Variants in PKNOX2 observed in about 807,000 individuals in gnomAD.
PKNOX2 encodes the protein PBX/knotted 1 homeobox 2, also known as homeobox protein PKNOX2.
Under a neutral mutation model 53.1 loss-of-function variants are expected in PKNOX2, and 14 were observed. The observed-to-expected ratio is 0.26, with a 90% CI of 0.17 to 0.41. PKNOX2 has a LOEUF of 0.41. PKNOX2 is among the 10% of genes least tolerant of loss of function. The probability of loss-of-function intolerance (pLI) is 1.00; values close to 1 mark genes in which losing one functional copy is unlikely to be tolerated. For missense variants in PKNOX2, 496 were observed against 602.8 expected, an observed-to-expected ratio of 0.82 and a Z score of 1.85; for synonymous variants, 257 against 242.8, an observed-to-expected ratio of 1.06 and a Z score of -0.54.
Position 125,331,847 on chromosome 11 carries a change from AT to A in PKNOX2, c.-99del. On this transcript the variant is annotated 5_prime_UTR_variant, in exon 3 of 13. It removes the in-frame stop codon of an upstream open reading frame in the 5' UTR. Coordinates refer to ENST00000298282, the MANE Select transcript of PKNOX2 (RefSeq NM_001382323.2). ...CTTTGGCTCTAGCAGACAGGAAGAA[AT>A]TCTGGCCCAGCTGGAAGTAGAAAGA... The A allele has an allele frequency of 6.6e-6, 1 of 152,374 alleles. No individual in the cohort carries two copies. The highest frequency in any genetic ancestry group is 1.5e-5 in the Non-Finnish European group (1 of 68,086). The allele number at this position is 152,374 out of a possible 1,614,324, so 9.4% of individuals were successfully genotyped here. A position where few individuals can be genotyped will look rare whatever the true frequency, so the allele number is the denominator to read the frequency against.
chr11:125,299,795 C>A (rs552423940), intron 2 of PKNOX2, among the ~76,000 whole-genome samples: 3 of 151,346 alleles, frequency 2.0e-5, no homozygotes, highest in Non-Finnish European at 2.9e-5. Context: ...ATCCCCCCAC[C>A]GGGCTGCTCT....
At chr11:125,235,731 C>T (rs987101113) in intron 2 of PKNOX2, among the ~76,000 whole-genome samples, 4 of 152,188 alleles carry the variant, frequency 2.6e-5, no homozygotes, top group South Asian at 2.1e-4. Context: ...CAGCTGGAAG[C>T]GATCTCTTCC....
At chr11:125,379,772 T>C (rs1163380873) in intron 5 of PKNOX2, among the ~76,000 whole-genome samples, 4 of 151,910 alleles carry the variant, frequency 2.6e-5, no homozygotes, top group Non-Finnish European at 5.9e-5. Flanking sequence ...ACCAGCAAAT[T>C]TGGGTGATGT....
chr11:125,177,163 C>T (rs1448919259), intron 1 of PKNOX2, among the ~76,000 whole-genome samples: 1 of 152,218 alleles, frequency 6.6e-6, no homozygotes, highest in Non-Finnish European at 1.5e-5. Flanking sequence ...TCTTCCCCTA[C>T]ATGGGAGGGA....
chr11:125,236,397 T>TGGGGGGGGGGGGGGGGGGG (rs1942701652), intron 2 of PKNOX2, among the ~76,000 whole-genome samples: 1 of 60,996 alleles, frequency 1.6e-5, no homozygotes, highest in Non-Finnish European at 3.4e-5. Flanking sequence ...GGGGGGTGGG[T>TGGGGGGGGGGGGGGGGGGG]GGAGGGGCAG....
At chr11:125,308,299 C>T (rs572692256) in intron 2 of PKNOX2, among the ~76,000 whole-genome samples, 1 of 152,182 alleles carries the variant, frequency 6.6e-6, no homozygotes, top group Non-Finnish European at 1.5e-5. Flanking sequence ...ATTGCCCAGC[C>T]AGCTGCCTCG....
At chr11:125,345,551 T>C (rs540510784) in intron 3 of PKNOX2, among the ~76,000 whole-genome samples, 3 of 152,296 alleles carry the variant, frequency 2.0e-5, no homozygotes, top group African/African-American at 7.2e-5. Flanking sequence ...TTTCTATGTG[T>C]GTGTGCTCGC....
intron 2 of PKNOX2, among the ~76,000 whole-genome samples, chr11:125,285,446 T>C (rs1946837459): frequency 6.6e-6 from 1 of 152,236 alleles, no homozygotes. Flanking sequence ...TGATCTAATA[T>C]CGGGCTATAC....
chr11:125,184,052 C>G (rs1261080505), intron 1 of PKNOX2: 2 of 152,190 alleles, frequency 1.3e-5, no homozygotes, highest in African/African-American at 4.8e-5. Flanking sequence ...GATTTGGTCT[C>G]TACATGAAGG....
At chr11:125,406,336 G>A (rs563811216) in intron 7 of PKNOX2, among the ~76,000 whole-genome samples, 10 of 152,312 alleles carry the variant, frequency 6.6e-5, no homozygotes, top group African/African-American at 2.4e-4. Context: ...CGATGCTTAG[G>A]ATCCTGGGAC....
intron 2 of PKNOX2, among the ~76,000 whole-genome samples, chr11:125,309,561 A>G (rs1948679500): frequency 6.6e-6 from 1 of 151,728 alleles, no homozygotes; most frequent in East Asian, 1.9e-4. Flanking sequence ...TAATTTTTGC[A>G]TTTTTTAGTA....
At chr11:125,283,932 A>G (rs1946735515) in intron 2 of PKNOX2, among the ~76,000 whole-genome samples, 2 of 152,164 alleles carry the variant, frequency 1.3e-5, no homozygotes, top group Admixed American at 6.6e-5. Context: ...CACCGGGCCT[A>G]CTTCGCTTGG....
At chr11:125,331,023 T>G (rs1043522551) in intron 2 of PKNOX2, among the ~76,000 whole-genome samples, 13 of 89,432 alleles carry the variant, frequency 1.5e-4, no homozygotes, top group Admixed American at 1.1e-3. Context: ...CCCCCGACCC[T>G]GCCATCCTGG....
intron 4 of PKNOX2, among the ~76,000 whole-genome samples, chr11:125,360,508 C>T (rs1188011047): frequency 6.6e-6 from 1 of 152,186 alleles, no homozygotes; most frequent in Non-Finnish European, 1.5e-5. Context: ...CTCAGAGGAA[C>T]TGAGTCCTTG....
intron 1 of PKNOX2, among the ~76,000 whole-genome samples, chr11:125,188,857 C>CTTT (rs879539658): frequency 6.7e-6 from 1 of 148,408 alleles, no homozygotes; most frequent in Non-Finnish European, 1.5e-5. Flanking sequence ...CATGCGCCGC[C>CTTT]TTTTTTTTTT....
At chr11:125,418,560 C>G (rs1047793250) in intron 10 of PKNOX2, among the ~76,000 whole-genome samples, 2 of 152,162 alleles carry the variant, frequency 1.3e-5, no homozygotes, top group Middle Eastern at 3.4e-3. Flanking sequence ...GTGCACTGCA[C>G]AGAGCTCCTG....
At chr11:125,207,474 C>T (rs1343230522) in intron 1 of PKNOX2, among the ~76,000 whole-genome samples, 2 of 151,904 alleles carry the variant, frequency 1.3e-5, no homozygotes, top group Non-Finnish European at 2.9e-5. Context: ...CAGAGGAAAA[C>T]TGTGTTTAAA....
chr11:125,410,201 C>T lies in PKNOX2; in HGVS notation c.594C>T (p.Leu198=), dbSNP rs757740467. 3.1e-6 allele frequency: 5 copies of T among 1,613,832 alleles called. No individual in the cohort carries two copies. In the African/African-American group the frequency reaches 6.7e-5, roughly 22 times the overall value. Residue 198 remains leucine, a synonymous_variant, in exon 8 of 13, where the codon CTC becomes CTT. Coordinates refer to ENST00000298282, the MANE Select transcript of PKNOX2 (RefSeq NM_001382323.2). ...QPSINLHSQD[L]LQNSPNSMSG... is the part of the protein sequence containing the mutation. ...CACGCCTCCCTCACTGCCAGGACCT[C>T]CTGCAGAATTCCCCCAATTCCATGT... is the stretch of plus-strand genomic sequence containing the variant.
chr11:125,307,709 C>T (rs577874288), intron 2 of PKNOX2, among the ~76,000 whole-genome samples: 5 of 152,338 alleles, frequency 3.3e-5, no homozygotes, highest in South Asian at 2.1e-4. Flanking sequence ...GGCCTAGAGA[C>T]GTTGGTGAAC....
Sources: allele counts gnomAD v4.1 joint callset (sites outside exome capture counted in the v4.1 genomes callset), GRCh38; gene constraint gnomAD v4.1.1; transcripts MANE v1.5; gene names NCBI Gene and HGNC (gene_info 2026-07-23, HGNC 2026-07-21).